Variants in GABPA observed in about 807,000 individuals in gnomAD.
GABPA encodes GA-binding protein alpha chain.
In GABPA, 4 loss-of-function variants were observed where a neutral mutation model predicts 59.4. The ratio of observed to expected loss-of-function variants is 0.07; its 90% CI spans 0.03 to 0.15. GABPA has a LOEUF of 0.15. GABPA is among the 10% of genes least tolerant of loss of function. GABPA has a pLI of 1.00. For synonymous variants in GABPA, 164 were observed against 183.1 expected, an observed-to-expected ratio of 0.90 and a Z score of 0.84; for missense variants, 251 against 543.8, an observed-to-expected ratio of 0.46 and a Z score of 5.36.
chr21:25,745,601 C>T (rs950489467), intron 3 of GABPA, among the ~76,000 whole-genome samples: 11 of 151,964 alleles, frequency 7.2e-5, no homozygotes, highest in South Asian at 6.2e-4. Context: ...AAATATAAAA[C>T]GAGAAGTTTA....
chr21:25,750,598 T>G (rs922404349), intron 4 of GABPA, among the ~76,000 whole-genome samples: 7 of 152,196 alleles, frequency 4.6e-5, no homozygotes, highest in African/African-American at 1.7e-4. Context: ...TAGGTTGAAT[T>G]TTAGCTTTTT....
chr21:25,757,276 G>A (rs1403611264), intron 5 of GABPA, among the ~76,000 whole-genome samples: 1 of 152,084 alleles, frequency 6.6e-6, no homozygotes, highest in African/African-American at 2.4e-5. Context: ...ATACAGCAAT[G>A]TAATATTTAT....
chr21:25,764,277 T>C lies in GABPA; in HGVS notation c.870T>C (p.Ser290=). 6.2e-7 allele frequency: 1 copy of C among 1,612,448 alleles called. No homozygotes were observed. Among genetic ancestry groups the C allele is most frequent in the East Asian group, 2.2e-5 (1 of 44,836 alleles). Residue 290 remains serine, a synonymous_variant, in exon 8 of 10, where the codon AGT becomes AGC. Coordinates refer to ENST00000400075, the MANE Select transcript of GABPA (RefSeq NM_002040.4). ...TPTTIKVINS[S]AKAAKVQRAP... ...CTACCATTAAAGTTATAAATAGTAG[T>C]GCGAAAGCAGCCAAAGTACAAAGAG...
At chr21:25,763,723 C>G (rs2035820325) in intron 7 of GABPA, among the ~76,000 whole-genome samples, 1 of 152,062 alleles carries the variant, frequency 6.6e-6, no homozygotes, top group African/African-American at 2.4e-5. Flanking sequence ...ACTGCTGTAT[C>G]TTTTAAATGC....
chr21:25,740,463 A>G (rs781466641), intron 1 of GABPA, among the ~76,000 whole-genome samples: 11 of 152,218 alleles, frequency 7.2e-5, no homozygotes, highest in Non-Finnish European at 1.5e-4. Context: ...ATGGAATTCA[A>G]AGACATTCAT....
chr21:25,736,384 TAAC>T (rs2035061267), intron 1 of GABPA, among the ~76,000 whole-genome samples: 1 of 152,216 alleles, frequency 6.6e-6, no homozygotes, highest in South Asian at 2.1e-4. Context: ...GAGGCGGTGA[TAAC>T]ATTCTTCGGT....
intron 7 of GABPA, chr21:25,763,056 A>T: frequency 1.3e-5 from 5 of 388,980 alleles, no homozygotes; most frequent in Non-Finnish European, 2.0e-5. Flanking sequence ...TGGGTACTGT[A>T]CTTGCTAGAA....
rs566109971 is a variant in GABPA, at chr21:25,753,901, T to C, written c.553+1667T>C. Among the ~76,000 whole-genome samples the C allele has an allele frequency of 3.9e-5, 6 of 152,310 alleles. No homozygotes were observed. The South Asian group carries it at 1.0e-3, about 26-fold the overall frequency. On this transcript the variant is annotated intron_variant, in intron 5 of 9. Coordinates refer to ENST00000400075, the MANE Select transcript of GABPA (RefSeq NM_002040.4). Reference sequence around the variant, plus strand: ...CAGAAAGGCTGTATTGTAGAACCACTGTTTTCCCTAGGACATTTTTTTTCT... The same window carrying C: ...CAGAAAGGCTGTATTGTAGAACCACCGTTTTCCCTAGGACATTTTTTTTCT...
At position 25,764,706 on chromosome 21, in the gene GABPA, A is replaced by G. The variant is rs1568953418; in HGVS notation, c.1055A>G (p.Gln352Arg). The change falls in exon 9 of 10, where the codon CAG (glutamine) becomes CGG (arginine). Residue 352 changes from glutamine (Q) to arginine (R), a missense_variant. Gln to Arg is a conservative substitution (Grantham distance 43). This residue lies in a region of GABPA where 21 missense variants were observed against 79.8 expected (regional missense o/e 0.26). Coordinates refer to ENST00000400075, the MANE Select transcript of GABPA (RefSeq NM_002040.4). ...VGDEGEFKLN[Q>R]PELVAQKWGQ... Reference sequence around the variant, plus strand: ...GATGAAGGTGAATTTAAGCTAAATCAGCCTGAACTGGTTGCACAGAAATGG... The same window carrying G: ...GATGAAGGTGAATTTAAGCTAAATCGGCCTGAACTGGTTGCACAGAAATGG... The G allele has an allele frequency of 6.2e-7, 1 of 1,612,476 alleles. No homozygotes were observed. The highest frequency in any genetic ancestry group is 8.5e-7 in the Non-Finnish European group (1 of 1,179,104).
At chr21:25,741,759 A>G (rs2035226929) in intron 2 of GABPA, 84 bp downstream of exon 2, 3 of 835,522 alleles carry the variant, frequency 3.6e-6, no homozygotes, top group Admixed American at 5.0e-5. Context: ...GTTCTTTTGG[A>G]CTGTCTTTTT....
At chr21:25,759,792 G>A (rs996269790) in intron 6 of GABPA, among the ~76,000 whole-genome samples, 5 of 152,118 alleles carry the variant, frequency 3.3e-5, no homozygotes, top group African/African-American at 1.2e-4. Flanking sequence ...TGAAACATGT[G>A]AGTCATGTTT....
At position 25,745,283 on chromosome 21, in the gene GABPA, T is replaced by C. The variant is rs749374327; in HGVS notation, c.151T>C (p.Leu51=). 6.8e-6 allele frequency: 11 copies of C among 1,613,922 alleles called. No individual in the cohort carries two copies. The South Asian group carries it at 1.1e-4, about 16-fold the overall frequency. ...AIDINEPIGN[L]KKLLEPRLQC... is the part of the protein sequence containing the mutation. ...AGACATCAATGAACCAATAGGCAAT[T>C]TAAAGAAACTGCTAGAACCAAGACT... The change falls in exon 3 of 10, where the codon TTA becomes CTA. Residue 51 remains leucine (L), a synonymous_variant. Coordinates refer to ENST00000400075, the MANE Select transcript of GABPA (RefSeq NM_002040.4).
intron 2 of GABPA, among the ~76,000 whole-genome samples, chr21:25,743,937 G>A (rs1345827039): frequency 2.0e-5 from 3 of 151,506 alleles, no homozygotes; most frequent in Admixed American, 2.0e-4. Flanking sequence ...CCAGATACTC[G>A]GGAGGCTGAG....
At chr21:25,737,885 A>G (rs1421902058) in intron 1 of GABPA, among the ~76,000 whole-genome samples, 1 of 152,152 alleles carries the variant, frequency 6.6e-6, no homozygotes, top group African/African-American at 2.4e-5. Context: ...TTGTGTGGAC[A>G]TTATTTCCTT....
Position 25,771,258 on chromosome 21 carries a change from G to A in GABPA, c.*2026G>A, listed in dbSNP as rs1279347482. ...TGATAGACATGTCTCAATTATATAT[G>A]TGTGTGTATGTTTTTAAAGCTAAAA... On this transcript the variant is annotated 3_prime_UTR_variant, in exon 10 of 10. Coordinates refer to ENST00000400075, the MANE Select transcript of GABPA (RefSeq NM_002040.4). 6.6e-6 allele frequency: 1 copy of A among 151,768 alleles called. No homozygotes were observed. The highest frequency in any genetic ancestry group is 1.5e-5 in the Non-Finnish European group (1 of 67,762). The allele number at this position is 151,768 out of a possible 1,614,324, so 9.4% of individuals were successfully genotyped here.
chr21:25,739,160 G>A (rs927733524), intron 1 of GABPA, among the ~76,000 whole-genome samples: 1 of 152,178 alleles, frequency 6.6e-6, no homozygotes, highest in Admixed American at 6.5e-5. Flanking sequence ...CCTTAATTAC[G>A]TGGGAAAAAT....
At chr21:25,761,351 A>C (rs1394503624) in intron 6 of GABPA, among the ~76,000 whole-genome samples, 4 of 152,192 alleles carry the variant, frequency 2.6e-5, no homozygotes, top group African/African-American at 9.6e-5. Flanking sequence ...AGTCAGTAAG[A>C]GCTAAGAACT....
rs1041229449 is a variant in GABPA, at chr21:25,741,652, G to A, written c.54G>A (p.Glu18=). The A allele has an allele frequency of 6.2e-7, 1 of 1,612,022 alleles. No homozygotes were observed. The highest frequency in any genetic ancestry group is 1.3e-5 in the African/African-American group (1 of 74,776). The change falls in exon 2 of 10, where the codon GAG becomes GAA. Residue 18 remains glutamate, a synonymous_variant. Transcript: ENST00000400075. ...TAGAAATTGAGATTGATGGAACAGA[G>A]AAAGCAGAGTGCACAGAAGAAAGGT... ...ELIEIEIDGT[E]KAECTEESIV...
At chr21:25,760,400 G>T (rs140783760) in intron 6 of GABPA, among the ~76,000 whole-genome samples, 1 of 152,148 alleles carries the variant, frequency 6.6e-6, no homozygotes, top group African/African-American at 2.4e-5. Context: ...TAATAACCCA[G>T]CCTCTATTAT....
Sources: gnomAD v4.1 joint callset for allele counts (sites outside exome capture counted in the v4.1 genomes callset) on GRCh38, gnomAD v4.1.1 for gene constraint, gnomAD v4.1.1 regional missense constraint, MANE v1.5 for transcripts, NCBI Gene and HGNC (gene_info 2026-07-23, HGNC 2026-07-21) for gene names.